Variants in GRIP1 observed in about 807,000 individuals in gnomAD.
GRIP1 encodes glutamate receptor interacting protein 1, also known as glutamate receptor-interacting protein 1.
Under a neutral mutation model 129.9 loss-of-function variants are expected in GRIP1, and 45 were observed. The observed-to-expected ratio is 0.35, with a 90% CI of 0.27 to 0.44. The LOEUF (loss-of-function observed/expected upper bound fraction) is 0.44. Among genes scored for constraint, GRIP1 ranks in the 20% least tolerant of loss-of-function variants. The pLI is 1.00. For missense variants in GRIP1, 1,196 were observed against 1,396.8 expected, an observed-to-expected ratio of 0.86 and a Z score of 2.29; for synonymous variants, 530 against 520.8, an observed-to-expected ratio of 1.02 and a Z score of -0.24.
intron 15 of GRIP1, among the ~76,000 whole-genome samples, chr12:66,417,048 C>T (rs893453010): frequency 2.6e-5 from 4 of 151,928 alleles, no homozygotes; most frequent in African/African-American, 9.7e-5. Flanking sequence ...TAATAAAATA[C>T]TAGCAAAGTG....
intron 1 of GRIP1, among the ~76,000 whole-genome samples, chr12:66,667,817 G>T (rs548872020): frequency 1.3e-5 from 2 of 152,248 alleles, no homozygotes; most frequent in African/African-American, 4.8e-5. Context: ...AACTTTCTCA[G>T]CTGTTCCATC....
At chr12:66,363,224 TA>T (rs1764436185) in intron 23 of GRIP1, among the ~76,000 whole-genome samples, 1 of 135,506 alleles carries the variant, frequency 7.4e-6, no homozygotes, top group Non-Finnish European at 1.6e-5. Flanking sequence ...TATATATATA[TA>T]TATAAAGTTT....
chr12:66,540,985 T>A (rs191924293), intron 3 of GRIP1, among the ~76,000 whole-genome samples: 3,262 of 151,816 alleles, frequency 0.021, 105 homozygotes, highest in African/African-American at 0.072. Context: ...ATTTTTTTTT[T>A]AAATTTTTTT....
At chr12:66,924,620 T>A (rs976743210) in intron 1 of GRIP1, among the ~76,000 whole-genome samples, 2 of 152,162 alleles carry the variant, frequency 1.3e-5, no homozygotes, top group Non-Finnish European at 1.5e-5. Context: ...TGAGAGAACA[T>A]TGAGAGGTAC....
chr12:66,480,943 A>G (rs2059785096), intron 7 of GRIP1, among the ~76,000 whole-genome samples: 1 of 152,212 alleles, frequency 6.6e-6, no homozygotes. Context: ...TGTAAGACCT[A>G]AAATTATCAA....
At chr12:66,793,180 T>C (rs1394736418) in intron 1 of GRIP1, among the ~76,000 whole-genome samples, 3 of 152,152 alleles carry the variant, frequency 2.0e-5, no homozygotes, top group African/African-American at 7.2e-5. Flanking sequence ...GATGCATTGG[T>C]TTTTTACTGT....
chr12:66,671,924 T>A (rs2034100634), intron 1 of GRIP1, among the ~76,000 whole-genome samples: 1 of 151,434 alleles, frequency 6.6e-6, no homozygotes, highest in Non-Finnish European at 1.5e-5. Flanking sequence ...CAATTCAGTA[T>A]CATGTATTAG....
At chr12:66,723,279 CCTTCCTTT>C (rs1232419650) in intron 1 of GRIP1, among the ~76,000 whole-genome samples, 40 of 14,408 alleles carry the variant, frequency 2.8e-3, no homozygotes, top group East Asian at 0.023. Context: ...TTCCTTCCTT[CCTTCCTTT>C]CTTTCTTTCT....
At chr12:66,819,341 A>G (rs996989794) in intron 1 of GRIP1, among the ~76,000 whole-genome samples, 10 of 152,222 alleles carry the variant, frequency 6.6e-5, no homozygotes, top group Admixed American at 5.9e-4. Flanking sequence ...TTGAACTGTA[A>G]TAAGAAATAT....
chr12:66,396,164 G>C (rs1361739206), intron 16 of GRIP1, among the ~76,000 whole-genome samples: 1 of 152,196 alleles, frequency 6.6e-6, no homozygotes, highest in Non-Finnish European at 1.5e-5. Context: ...CCATTCAGTG[G>C]AGGTGTGTAT....
chr12:66,703,533 G>C (rs1024824721), intron 1 of GRIP1, among the ~76,000 whole-genome samples: 3 of 152,062 alleles, frequency 2.0e-5, no homozygotes, highest in Admixed American at 6.6e-5. Flanking sequence ...CAGGGCTCAT[G>C]ATGGGTGGAA....
chr12:66,483,417 T>G (rs185651377), intron 7 of GRIP1, among the ~76,000 whole-genome samples: 6 of 152,312 alleles, frequency 3.9e-5, no homozygotes, highest in Non-Finnish European at 8.8e-5. Flanking sequence ...TCGTCTTAAA[T>G]CCTAACTTTT....
chr12:66,679,329 C>G (rs1366265394), upstream of GRIP1, among the ~76,000 whole-genome samples: 3 of 151,276 alleles, frequency 2.0e-5, no homozygotes, highest in African/African-American at 7.3e-5. Flanking sequence ...TCCTTCTCAG[C>G]ATCAAGTCAG....
At chr12:66,645,647 T>C (rs56268024) in intron 1 of GRIP1, among the ~76,000 whole-genome samples, 13,980 of 152,240 alleles carry the variant, frequency 0.092, 846 homozygotes, top group Middle Eastern at 0.15. Flanking sequence ...TTTGGAAGTA[T>C]AAAATTAAGT....
chr12:66,814,014 A>G lies in GRIP1; in HGVS notation c.59-217087T>C, dbSNP rs374929113. On this transcript the variant is annotated intron_variant, in intron 1 of 1. Transcript: ENST00000643019. ...GGAAGGATAATACTGTGATAGTATTACTATGATAGGAATAATGGTGGAGAT... is the reference window on the plus strand; with the variant it reads ...GGAAGGATAATACTGTGATAGTATTGCTATGATAGGAATAATGGTGGAGAT... Among the ~76,000 whole-genome samples the G allele has an allele frequency of 7.2e-5, 11 of 152,208 alleles. 1 individual carries two copies. The highest frequency in any genetic ancestry group is 2.4e-4 in the African/African-American group (10 of 41,456).
intron 1 of GRIP1, among the ~76,000 whole-genome samples, chr12:66,737,912 G>C (rs142015628): frequency 6.6e-6 from 1 of 152,114 alleles, no homozygotes; most frequent in African/African-American, 2.4e-5. Flanking sequence ...TTGTGATCAC[G>C]CACTGAAAAG....
At chr12:67,036,477 A>G (rs2135794988) in intron 1 of GRIP1, among the ~76,000 whole-genome samples, 1 of 151,856 alleles carries the variant, frequency 6.6e-6, no homozygotes, top group South Asian at 2.1e-4. Flanking sequence ...ACAGGTGCCC[A>G]CCACTATGCC....
intron 14 of GRIP1, among the ~76,000 whole-genome samples, chr12:66,430,824 A>G (rs1421114135): frequency 3.3e-5 from 5 of 152,240 alleles, no homozygotes; most frequent in African/African-American, 1.2e-4. Flanking sequence ...TCTGAGGAAT[A>G]GATGACTTCA....
At chr12:66,735,697 G>A (rs1268835926) in intron 1 of GRIP1, among the ~76,000 whole-genome samples, 1 of 152,112 alleles carries the variant, frequency 6.6e-6, no homozygotes, top group African/African-American at 2.4e-5. Context: ...AGGTGTCAGG[G>A]GAAAGAGACC....
Sources: gnomAD v4.1 joint callset for allele counts (sites outside exome capture counted in the v4.1 genomes callset) on GRCh38, gnomAD v4.1.1 for gene constraint, MANE v1.5 for transcripts, NCBI Gene and HGNC (gene_info 2026-07-23, HGNC 2026-07-21) for gene names.